MGAT5B: variants seen among roughly 807,000 people sequenced by gnomAD.
MGAT5B encodes alpha-1,6-mannosylglycoprotein 6-beta-N-acetylglucosaminyltransferase B.
A neutral mutation model predicts 95.1 loss-of-function variants in MGAT5B; 54 were observed. That is an observed-to-expected ratio of 0.57 (90% confidence interval 0.46 to 0.71). The LOEUF is 0.71. MGAT5B is among the 30% of genes least tolerant of loss of function. MGAT5B has a pLI of 0.00. For synonymous variants in MGAT5B, 464 were observed against 451.0 expected (o/e 1.03, Z -0.36); for missense variants, 935 against 1,088.6 (o/e 0.86, Z 1.99).
intron 2 of MGAT5B, among the ~76,000 whole-genome samples, chr17:76,881,596 CGG>C (rs1337723035): frequency 1.3e-5 from 2 of 152,314 alleles, no homozygotes; most frequent in Admixed American, 1.3e-4. Flanking sequence ...TCCCGGGCCC[CGG>C]GTCCTAGAGA....
At chr17:76,935,798 A>G (rs1388105403) in intron 12 of MGAT5B, among the ~76,000 whole-genome samples, 1 of 142,402 alleles carries the variant, frequency 7.0e-6, no homozygotes, top group East Asian at 2.0e-4. Flanking sequence ...AAACATATAT[A>G]TATTATATAT....
Position 76,949,975 on chromosome 17 carries a change from TCC to T in MGAT5B, c.*1138_*1139del, listed in dbSNP as rs1970157167. 4 of 151,618 alleles carry T rather than the reference TCC, an allele frequency of 2.6e-5. No individual in the cohort carries two copies. The highest frequency in any genetic ancestry group is 9.8e-5 in the African/African-American group (4 of 40,952). 9.4% of individuals were successfully genotyped at this position (151,618 alleles called of 1,614,324 possible). A position where few individuals can be genotyped will look rare whatever the true frequency, so the allele number is the denominator to read the frequency against. ...CCGCCTCTGGATCTAGCTGTCCTTC[TCC>T]GAGTGGCACGCCTGCCCCAGGATGC... On this transcript the variant is annotated 3_prime_UTR_variant, in exon 18 of 18. Transcript: ENST00000569840.
chr17:76,902,018 A>G (rs1277663376), intron 3 of MGAT5B, among the ~76,000 whole-genome samples: 2 of 152,306 alleles, frequency 1.3e-5, no homozygotes, highest in Non-Finnish European at 2.9e-5. Context: ...ATGTGGGCAC[A>G]TGTACAGTTG....
At chr17:76,910,982 CAGG>C (rs1567808972) in intron 8 of MGAT5B, among the ~76,000 whole-genome samples, 1 of 152,226 alleles carries the variant, frequency 6.6e-6, no homozygotes, top group African/African-American at 2.4e-5. Context: ...CCACCCTCCC[CAGG>C]AGAATTCCCC....
intron 8 of MGAT5B, among the ~76,000 whole-genome samples, chr17:76,908,666 T>G (rs1968621584): frequency 6.6e-6 from 1 of 152,198 alleles, no homozygotes. Context: ...GCATCCAATG[T>G]GTAATGATCA....
At chr17:76,872,644 G>A (rs1415294118) in intron 1 of MGAT5B, 10 of 1,460,154 alleles carry the variant, frequency 6.8e-6, no homozygotes, top group African/African-American at 4.3e-5. Context: ...CGTGTGGCTC[G>A]AGGCCAGCAT....
intron 13 of MGAT5B, among the ~76,000 whole-genome samples, chr17:76,939,611 T>A (rs1185284998): frequency 6.6e-6 from 1 of 152,136 alleles, no homozygotes; most frequent in Non-Finnish European, 1.5e-5. Flanking sequence ...ATATGAAGGA[T>A]CTTGTCACCC....
rs974432379 is a variant in MGAT5B at position 76,903,390 on chromosome 17, C to G, written c.519+14C>G. ...GGGAAGGTGGAGGTGAGGCCTGGGG[C>G]TGAGGGGTGGGGATGTCTACAGCTA... is the stretch of plus-strand genomic sequence containing the variant. On this transcript the variant is annotated intron_variant, in intron 5 of 17. Transcript: ENST00000569840. 3 of 1,603,920 alleles carry G rather than the reference C, an allele frequency of 1.9e-6. No homozygotes were observed. Among genetic ancestry groups the G allele is most frequent in the Non-Finnish European group, 2.6e-6 (3 of 1,174,390 alleles).
chr17:76,869,075 C>G lies in MGAT5B; in HGVS notation c.46C>G (p.Leu16Val), dbSNP rs757416259. Residue 16 changes from leucine to valine, a missense_variant, in exon 1 of 18, where the codon CTG (leucine) becomes GTG (valine). Leu to Val is a conservative substitution (Grantham distance 32). This residue lies in a region of MGAT5B where 243 missense variants were observed against 228.2 expected (regional missense o/e 1.06). Coordinates refer to ENST00000569840, the MANE Select transcript of MGAT5B (RefSeq NM_001199172.2). This position sits in a 1 kb window ranked among gnomAD's most constrained non-coding sequence, Gnocchi z 7.0. The stretch of plus-strand genomic sequence containing the variant: ...TGGGAAGATAATGGTCAGAAGATGC[C>G]TGGTCACCCTGAGACCCTTTCGGTA... ...PDGKIMVRRC[L>V]VTLRPFRLFV... 6.8e-6 allele frequency: 11 copies of G among 1,614,006 alleles called. No individual in the cohort carries two copies. The highest frequency in any genetic ancestry group is 8.5e-6 in the Non-Finnish European group (10 of 1,179,990).
rs55850824 is a variant in MGAT5B at position 76,914,644 on chromosome 17, C to CTT, written c.1025+8469_1025+8470dup. Among the ~76,000 whole-genome samples, 1 of 146,172 alleles carries CTT rather than the reference C, an allele frequency of 6.8e-6. No homozygotes were observed. Among genetic ancestry groups the CTT allele is most frequent in the Admixed American group, 6.8e-5 (1 of 14,780 alleles). ...CTCTGTGTCCACATTTCTTCTTCCTCTTTTTTTTTTTTTGAGACAGAGTCT... is the reference window on the plus strand; with the variant it reads ...CTCTGTGTCCACATTTCTTCTTCCTCTTTTTTTTTTTTTTTGAGACAGAGTCT... On this transcript the variant is annotated intron_variant, in intron 8 of 17. Coordinates refer to ENST00000569840, the MANE Select transcript of MGAT5B (RefSeq NM_001199172.2). The surrounding 1 kb of genome is among the most constrained non-coding windows in gnomAD (Gnocchi z 5.1).
chr17:76,896,388 C>T (rs549677970), intron 3 of MGAT5B, among the ~76,000 whole-genome samples: 45 of 152,258 alleles, frequency 3.0e-4, no homozygotes, highest in East Asian at 2.9e-3. Context: ...CCTGTGCTGG[C>T]GATGGGTTTT....
chr17:76,882,466 A>G, intron 3 of MGAT5B, 168 bp downstream of exon 3: 2 of 755,388 alleles, frequency 2.6e-6, no homozygotes, highest in Non-Finnish European at 3.9e-6. Context: ...AACCGTTAAC[A>G]TTTGGTCACA....
chr17:76,909,279 G>A (rs375449648), intron 8 of MGAT5B, among the ~76,000 whole-genome samples: 5 of 152,144 alleles, frequency 3.3e-5, no homozygotes, highest in East Asian at 1.9e-4. Context: ...GCTATCTAAC[G>A]TAGAACTTAT....
chr17:76,915,550 T>C lies in MGAT5B; in HGVS notation c.1025+9363T>C, dbSNP rs1261578551. On this transcript the variant is annotated intron_variant, in intron 8 of 17. Coordinates refer to ENST00000569840, the MANE Select transcript of MGAT5B (RefSeq NM_001199172.2). This position sits in a 1 kb window ranked among gnomAD's most constrained non-coding sequence, Gnocchi z 8.7. ...GATTCGAACCAAATATGGCAAAATGTTAAGGCTTGATGAGGCTGGGAAGTG... is the reference window on the plus strand; with the variant it reads ...GATTCGAACCAAATATGGCAAAATGCTAAGGCTTGATGAGGCTGGGAAGTG... 6.6e-6 allele frequency among the ~76,000 whole-genome samples: 1 copy of C among 152,178 alleles called. No individual in the cohort carries two copies. Among genetic ancestry groups the C allele is most frequent in the Non-Finnish European group, 1.5e-5 (1 of 68,030 alleles).
chr17:76,928,731 G>GA (rs1164165412), intron 10 of MGAT5B, among the ~76,000 whole-genome samples: 2 of 151,548 alleles, frequency 1.3e-5, no homozygotes, highest in African/African-American at 2.4e-5. Flanking sequence ...AGAGAAAAAA[G>GA]AAAAAAAGGA....
intron 8 of MGAT5B, among the ~76,000 whole-genome samples, chr17:76,924,757 G>C (rs1299224335): frequency 6.6e-6 from 1 of 152,172 alleles, no homozygotes; most frequent in Non-Finnish European, 1.5e-5. Flanking sequence ...AGCCCACGCT[G>C]ACCTCAGTCC....
chr17:76,908,779 T>G (rs890299170), intron 8 of MGAT5B, among the ~76,000 whole-genome samples: 1 of 151,770 alleles, frequency 6.6e-6, no homozygotes, highest in African/African-American at 2.4e-5. Context: ...TACAATACAT[T>G]GTTGTTAAGT....
At chr17:76,892,193 A>G (rs493388) in intron 3 of MGAT5B, among the ~76,000 whole-genome samples, 22,766 of 152,134 alleles carry the variant, frequency 0.15, 2,471 homozygotes, top group African/African-American at 0.3. Context: ...GACCACAGGC[A>G]TGTGCCACCA....
chr17:76,935,151 A>C (rs1969609989), intron 12 of MGAT5B, among the ~76,000 whole-genome samples: 1 of 152,180 alleles, frequency 6.6e-6, no homozygotes, highest in Admixed American at 6.5e-5. Context: ...GGAAGGAGGC[A>C]AAGGCAGCTG....
Sources: gnomAD v4.1 joint callset for allele counts (sites outside exome capture counted in the v4.1 genomes callset) on GRCh38, gnomAD v4.1.1 for gene constraint, gnomAD v4.1.1 regional missense constraint, Gnocchi (gnomAD v3.1) non-coding constraint, MANE v1.5 for transcripts, NCBI Gene and HGNC (gene_info 2026-07-23, HGNC 2026-07-21) for gene names.